Variants in SEMA5A observed in about 807,000 individuals in gnomAD.
SEMA5A encodes the protein semaphorin-5A.
SEMA5A carries 55 observed loss-of-function variants against 135.5 expected under a neutral mutation model. That is an observed-to-expected ratio of 0.41 (90% CI 0.33 to 0.51). The LOEUF is 0.51. SEMA5A is among the 20% of genes least tolerant of loss of function. The pLI is 0.37. For synonymous variants in SEMA5A, 580 were observed against 546.5 expected (o/e 1.06, Z -0.85); for missense variants, 1,290 against 1,419.9 (o/e 0.91, Z 1.47).
chr5:9,095,504 A>G (rs1739269104), intron 16 of SEMA5A, among the ~76,000 whole-genome samples: 1 of 152,228 alleles, frequency 6.6e-6, no homozygotes, highest in African/African-American at 2.4e-5. Context: ...TAGGATTACT[A>G]AAGGGATAGT....
chr5:9,455,265 T>A (rs12517344), intron 1 of SEMA5A, among the ~76,000 whole-genome samples: 109,329 of 150,836 alleles, frequency 0.72, 40,114 homozygotes, highest in Non-Finnish European at 0.79. Context: ...TTATTTTTTT[T>A]TTTTTTTTGA....
At chr5:9,067,818 C>T (rs1002254442) in intron 16 of SEMA5A, among the ~76,000 whole-genome samples, 8 of 152,088 alleles carry the variant, frequency 5.3e-5, no homozygotes, top group African/African-American at 1.2e-4. Flanking sequence ...TCCATTTTCA[C>T]GTTTCTCATC....
At chr5:9,108,412 T>G in intron 15 of SEMA5A, 125 bp from the exon 16 acceptor site, 1 of 1,118,360 alleles carries the variant, frequency 8.9e-7, no homozygotes, top group Non-Finnish European at 1.3e-6. Context: ...AGGAGCTTTT[T>G]GTATTTTGAG....
intron 1 of SEMA5A, among the ~76,000 whole-genome samples, chr5:9,493,421 T>C (rs747248324): frequency 5.3e-5 from 8 of 152,008 alleles, no homozygotes; most frequent in Non-Finnish European, 1.2e-4. Context: ...TTCCCACACT[T>C]GCCTAGTTTG....
chr5:9,142,554 G>C (rs1742121350), intron 12 of SEMA5A, among the ~76,000 whole-genome samples: 1 of 152,196 alleles, frequency 6.6e-6, no homozygotes, highest in South Asian at 2.1e-4. Flanking sequence ...GATTGTGGTA[G>C]TGATCAAACT....
chr5:9,399,163 A>G (rs113508036), intron 2 of SEMA5A, among the ~76,000 whole-genome samples: 64 of 152,346 alleles, frequency 4.2e-4, no homozygotes, highest in African/African-American at 1.5e-3. Context: ...TAGCAGCACT[A>G]TTGATAATAG....
chr5:9,310,972 C>T (rs1228008482), intron 5 of SEMA5A, among the ~76,000 whole-genome samples: 1 of 150,984 alleles, frequency 6.6e-6, no homozygotes, highest in Non-Finnish European at 1.5e-5. Context: ...AAATCTAAAC[C>T]GAAAAATTCC....
chr5:9,500,388 T>C (rs1199122501), intron 1 of SEMA5A, among the ~76,000 whole-genome samples: 1 of 152,196 alleles, frequency 6.6e-6, no homozygotes, highest in Non-Finnish European at 1.5e-5. Context: ...AGACACATGT[T>C]AAGAAATATC....
rs5865809 is a variant in SEMA5A at position 9,178,331 on chromosome 5, C to CTT, written c.1273+11934_1273+11935dup. On this transcript the variant is annotated intron_variant, in intron 11 of 22. Coordinates refer to ENST00000382496, the MANE Select transcript of SEMA5A (RefSeq NM_003966.3). ...GCTCTCTTTCTTTTTTTTTTCTCTC[C>CTT]TTTTTTTTTTTTTTTTGTTGAGATG... 4.8e-3 allele frequency among the ~76,000 whole-genome samples: 597 copies of CTT among 123,576 alleles called. 6 individuals carry two copies. Among genetic ancestry groups the CTT allele is most frequent in the East Asian group, 0.026 (112 of 4,258 alleles). The allele number at this position is 123,576 out of a possible 152,430, so 81.1% of individuals were successfully genotyped here. A position where few individuals can be genotyped will look rare whatever the true frequency, so the allele number is the denominator to read the frequency against.
At chr5:9,244,613 C>T (rs1430816656) in intron 5 of SEMA5A, among the ~76,000 whole-genome samples, 2 of 152,240 alleles carry the variant, frequency 1.3e-5, no homozygotes, top group African/African-American at 4.8e-5. Flanking sequence ...AGCTTGGCTG[C>T]TTGGTACACG....
chr5:9,310,202 G>A (rs1319845506), intron 5 of SEMA5A, among the ~76,000 whole-genome samples: 2 of 151,968 alleles, frequency 1.3e-5, no homozygotes, highest in Non-Finnish European at 2.9e-5. Context: ...CAGTCTCTGT[G>A]GCTACTGGTC....
chr5:9,278,896 G>A (rs1750400607), intron 5 of SEMA5A, among the ~76,000 whole-genome samples: 1 of 152,260 alleles, frequency 6.6e-6, no homozygotes, highest in Non-Finnish European at 1.5e-5. Context: ...GAAGTCTGCT[G>A]CAGGGGTGGA....
At chr5:9,527,430 C>A (rs1337868220) in intron 1 of SEMA5A, among the ~76,000 whole-genome samples, 1 of 152,212 alleles carries the variant, frequency 6.6e-6, no homozygotes, top group African/African-American at 2.4e-5. Flanking sequence ...CAAAGTCAAG[C>A]AACAATTCCA....
At chr5:9,493,201 T>A (rs1024264269) in intron 1 of SEMA5A, among the ~76,000 whole-genome samples, 2 of 151,432 alleles carry the variant, frequency 1.3e-5, no homozygotes, top group Non-Finnish European at 2.9e-5. Context: ...TAACAGTTCA[T>A]AAATATATAA....
At chr5:9,253,755 G>A (rs1210007671) in intron 5 of SEMA5A, among the ~76,000 whole-genome samples, 6 of 152,094 alleles carry the variant, frequency 3.9e-5, no homozygotes, top group African/African-American at 1.4e-4. Flanking sequence ...CAAGAAACCT[G>A]AATCTGGTTA....
chr5:9,214,833 A>G (rs889268954), intron 8 of SEMA5A, among the ~76,000 whole-genome samples: 2 of 152,234 alleles, frequency 1.3e-5, no homozygotes, highest in African/African-American at 4.8e-5. Flanking sequence ...ATTCAGATAT[A>G]GAATAAGCAA....
intron 2 of SEMA5A, among the ~76,000 whole-genome samples, chr5:9,394,140 A>C (rs900434767): frequency 6.6e-6 from 1 of 152,194 alleles, no homozygotes; most frequent in Non-Finnish European, 1.5e-5. Context: ...TAAGTGTGGT[A>C]TGAACAACAG....
intron 1 of SEMA5A, among the ~76,000 whole-genome samples, chr5:9,477,172 C>G (rs1561284267): frequency 6.6e-6 from 1 of 152,124 alleles, no homozygotes; most frequent in Non-Finnish European, 1.5e-5. Flanking sequence ...CCTTCATCTT[C>G]TGCTGTGACT....
At chr5:9,122,459 A>G (rs1740861693) in intron 14 of SEMA5A, among the ~76,000 whole-genome samples, 197 bp downstream of exon 14, 1 of 152,258 alleles carries the variant, frequency 6.6e-6, no homozygotes. Flanking sequence ...GAGTATGTGA[A>G]TAAGCGTAGA....
Sources: gnomAD v4.1 joint callset for allele counts (sites outside exome capture counted in the v4.1 genomes callset) on GRCh38, gnomAD v4.1.1 for gene constraint, MANE v1.5 for transcripts, NCBI Gene and HGNC (gene_info 2026-07-23, HGNC 2026-07-21) for gene names.